Variants in OXR1 observed in about 807,000 individuals in gnomAD.
OXR1 encodes the protein oxidation resistance protein 1.
Under a neutral mutation model 104.6 loss-of-function variants are expected in OXR1, and 41 were observed. The ratio of observed to expected loss-of-function variants is 0.39; its 90% CI spans 0.31 to 0.51. OXR1 has a LOEUF of 0.51. Among genes scored for constraint, OXR1 ranks in the 20% least tolerant of loss-of-function variants. The pLI is 0.77. For missense variants in OXR1, 955 were observed against 1,031.9 expected (o/e 0.93, Z 1.02); for synonymous variants, 348 against 348.4 (o/e 1.00, Z 0.01).
chr8:106,544,153 G>A (rs1586786353), intron 3 of OXR1, among the ~76,000 whole-genome samples: 2 of 150,996 alleles, frequency 1.3e-5, no homozygotes, highest in East Asian at 1.9e-4. Flanking sequence ...GAATGTTTAT[G>A]TACCCACTCT....
chr8:106,698,147 A>C, intron 7 of OXR1: 1 of 617,924 alleles, frequency 1.6e-6, no homozygotes, highest in South Asian at 2.1e-5. Context: ...CTTCATTTTC[A>C]AAGGATATTT....
intron 6 of OXR1, among the ~76,000 whole-genome samples, chr8:106,691,436 C>CT (rs1420396084): frequency 1.3e-5 from 2 of 151,682 alleles, no homozygotes; most frequent in Non-Finnish European, 2.9e-5. Flanking sequence ...AAGTAATCTC[C>CT]TTTTTTGTGC....
chr8:106,720,421 T>TA (rs1405512095), intron 11 of OXR1, among the ~76,000 whole-genome samples: 3 of 152,192 alleles, frequency 2.0e-5, no homozygotes, highest in African/African-American at 7.2e-5. Context: ...TATACAATAT[T>TA]AAGACTGTGG....
At chr8:106,298,163 C>A (rs1357085595) in intron 1 of OXR1, among the ~76,000 whole-genome samples, 1 of 152,092 alleles carries the variant, frequency 6.6e-6, no homozygotes, top group Admixed American at 6.6e-5. Context: ...TAAGTCCTTA[C>A]AATAGGAATC....
At chr8:106,508,987 A>G (rs567494732) in intron 2 of OXR1, among the ~76,000 whole-genome samples, 2 of 152,154 alleles carry the variant, frequency 1.3e-5, no homozygotes, top group Non-Finnish European at 2.9e-5. Context: ...ATAGTTTGTA[A>G]TAGGCCTTGT....
chr8:106,513,504 T>C (rs1812672211), intron 2 of OXR1, among the ~76,000 whole-genome samples: 1 of 152,120 alleles, frequency 6.6e-6, no homozygotes, highest in Non-Finnish European at 1.5e-5. Context: ...AAATACCACA[T>C]TGCATACCAC....
intron 1 of OXR1, among the ~76,000 whole-genome samples, chr8:106,338,172 A>C (rs905663945): frequency 1.3e-5 from 2 of 152,180 alleles, no homozygotes; most frequent in East Asian, 3.8e-4. Flanking sequence ...GGAAACTTTA[A>C]AGGAGCATAT....
intron 4 of OXR1, among the ~76,000 whole-genome samples, chr8:106,680,726 C>G (rs2131220242): frequency 6.6e-6 from 1 of 152,150 alleles, no homozygotes; most frequent in East Asian, 1.9e-4. Context: ...GGAGTGAGAC[C>G]CAAACTTTTT....
chr8:106,444,722 G>T (rs1318412920), intron 2 of OXR1, among the ~76,000 whole-genome samples: 1 of 151,968 alleles, frequency 6.6e-6, no homozygotes, highest in Admixed American at 6.6e-5. Context: ...TTAGAGGACG[G>T]ATCAATAGGT....
chr8:106,644,764 G>T (rs1239461309), intron 3 of OXR1, among the ~76,000 whole-genome samples: 1 of 152,176 alleles, frequency 6.6e-6, no homozygotes, highest in African/African-American at 2.4e-5. Flanking sequence ...AAGTCATTGT[G>T]TGACTCATAT....
intron 1 of OXR1, among the ~76,000 whole-genome samples, chr8:106,341,296 A>G (rs951174089): frequency 2.0e-5 from 3 of 152,016 alleles, no homozygotes; most frequent in Admixed American, 6.6e-5. Context: ...TGAGACTTGA[A>G]TAAGATTGAG....
intron 2 of OXR1, among the ~76,000 whole-genome samples, chr8:106,361,094 C>T (rs1816225819): frequency 6.6e-6 from 1 of 152,182 alleles, no homozygotes. Flanking sequence ...ACACAGTGAA[C>T]TCCGCAAAGA....
At chr8:106,633,344 T>C (rs769662155) in intron 3 of OXR1, among the ~76,000 whole-genome samples, 1 of 152,202 alleles carries the variant, frequency 6.6e-6, no homozygotes, top group Non-Finnish European at 1.5e-5. Context: ...TACTCTGCTG[T>C]TATTATATGG....
intron 2 of OXR1, among the ~76,000 whole-genome samples, chr8:106,428,160 A>C (rs1225151813): frequency 1.3e-5 from 2 of 152,190 alleles, no homozygotes. Context: ...TGGGAAGCAC[A>C]GGGATACCAT....
intron 2 of OXR1, among the ~76,000 whole-genome samples, chr8:106,517,075 AG>A (rs1812908512): frequency 6.6e-6 from 1 of 152,182 alleles, no homozygotes; most frequent in Admixed American, 6.6e-5. Context: ...ACATATACCC[AG>A]AAAAATCCAA....
chr8:106,658,035 G>T lies in OXR1; in HGVS notation c.221-21175G>T, dbSNP rs752580574. 20 of 1,248,516 alleles carry T rather than the reference G, an allele frequency of 1.6e-5. No homozygotes were observed. In the African/African-American group the frequency reaches 2.9e-4, roughly 18 times the overall value. 77.3% of individuals were successfully genotyped at this position (1,248,516 alleles called of 1,614,324 possible). ...CGAGAAGAGTGGGCGCCTTCTGCGG[G>T]GCACGGCCAACCGCCTGTTGGGGTT... On this transcript the variant is annotated intron_variant, in intron 3 of 16. Transcript: ENST00000517566.
At chr8:106,368,217 G>T (rs557659321) in intron 2 of OXR1, among the ~76,000 whole-genome samples, 2 of 151,964 alleles carry the variant, frequency 1.3e-5, no homozygotes, top group South Asian at 4.1e-4. Flanking sequence ...AATTCATATT[G>T]TATCCTTAAT....
In OXR1 at chr8:106,529,759, G is replaced by A. The variant is rs922553501; in HGVS notation, c.220+10620G>A. Among the ~76,000 whole-genome samples the A allele has an allele frequency of 2.6e-5, 4 of 152,230 alleles. No individual in the cohort carries two copies. The East Asian group carries it at 5.8e-4, about 22-fold the overall frequency. On this transcript the variant is annotated intron_variant, in intron 3 of 16. Coordinates refer to ENST00000517566, the MANE Select transcript of OXR1 (RefSeq NM_001198533.2). Reference sequence around the variant, plus strand: ...ACCCTGAGGTCTCCTTGAGCAAATGGTTTTGGTATTATGTCTGAGCTACAG... The same window carrying A: ...ACCCTGAGGTCTCCTTGAGCAAATGATTTTGGTATTATGTCTGAGCTACAG...
intron 1 of OXR1, among the ~76,000 whole-genome samples, chr8:106,300,333 C>T (rs1813177035): frequency 6.6e-6 from 1 of 151,960 alleles, no homozygotes. Context: ...TTGAGTCCTG[C>T]ATTTCCCATT....
Sources: gnomAD v4.1 joint callset for allele counts (sites outside exome capture counted in the v4.1 genomes callset) on GRCh38, gnomAD v4.1.1 for gene constraint, MANE v1.5 for transcripts, NCBI Gene and HGNC (gene_info 2026-07-23, HGNC 2026-07-21) for gene names.